ZNF536: variants seen among roughly 807,000 people sequenced by gnomAD.
ZNF536 encodes the protein zinc finger protein 536.
ZNF536 carries 13 observed loss-of-function variants against 84.5 expected under a neutral mutation model. The observed-to-expected ratio is 0.15, with a 90% CI of 0.10 to 0.24. ZNF536 has a LOEUF of 0.24. Among genes scored for constraint, ZNF536 ranks in the 10% least tolerant of loss-of-function variants. The pLI is 1.00. For synonymous variants in ZNF536, 811 were observed against 742.5 expected, an observed-to-expected ratio of 1.09 and a Z score of -1.50; for missense variants, 1,536 against 1,747.5, an observed-to-expected ratio of 0.88 and a Z score of 2.16.
At chr19:30,658,631 G>A (rs1234781892) in intron 1 of ZNF536, among the ~76,000 whole-genome samples, 1 of 152,000 alleles carries the variant, frequency 6.6e-6, no homozygotes, top group Non-Finnish European at 1.5e-5. Flanking sequence ...ACTCAAAAAT[G>A]GCTATTCCTC....
intron 1 of ZNF536, among the ~76,000 whole-genome samples, chr19:30,592,956 A>G (rs1454302208): frequency 6.6e-6 from 1 of 152,244 alleles, no homozygotes; most frequent in Non-Finnish European, 1.5e-5. Flanking sequence ...TTTCACATTC[A>G]TACCATTTAG....
At chr19:30,429,998 C>T (rs1054392899) in intron 1 of ZNF536, among the ~76,000 whole-genome samples, 1 of 151,764 alleles carries the variant, frequency 6.6e-6, no homozygotes, top group Non-Finnish European at 1.5e-5. Flanking sequence ...GCTGTGAAAT[C>T]CACCATGAGA....
chr19:30,326,033 G>A (rs1302051296), intron 2 of ZNF536, among the ~76,000 whole-genome samples: 1 of 152,226 alleles, frequency 6.6e-6, no homozygotes, highest in East Asian at 1.9e-4. Context: ...AGTCATGAGT[G>A]TAAGTTTATT....
At chr19:30,285,751 C>T (rs2045603251) in intron 2 of ZNF536, among the ~76,000 whole-genome samples, 1 of 152,168 alleles carries the variant, frequency 6.6e-6, no homozygotes, top group Non-Finnish European at 1.5e-5. Flanking sequence ...TTGCGGGGCC[C>T]TCCCGTGCAC....
intron 1 of ZNF536, chr19:30,665,719 G>C (rs75786920): frequency 2.0e-5 from 3 of 152,364 alleles, no homozygotes; most frequent in East Asian, 3.9e-4. Context: ...TTCCAGGCTC[G>C]AGGGAACAAG....
chr19:30,312,364 A>T (rs567265976), intron 2 of ZNF536, among the ~76,000 whole-genome samples: 5 of 152,094 alleles, frequency 3.3e-5, no homozygotes, highest in Non-Finnish European at 5.9e-5. Flanking sequence ...AGAGAGTGGA[A>T]TGGTGGTCCT....
rs565537676 is a variant in ZNF536, at chr19:30,467,836, G to T, written c.2170+22104G>T. ...CTGGGTAGCTACTGTGTACCCTGAG[G>T]GGGTCACAGCCCTTTCCACAGCACC... On this transcript the variant is annotated intron_variant, in intron 2 of 4. Transcript: ENST00000355537. Among the ~76,000 whole-genome samples the T allele has an allele frequency of 2.0e-5, 3 of 152,330 alleles. No homozygotes were observed. In the South Asian group the frequency reaches 6.2e-4, roughly 32 times the overall value.
chr19:30,544,824 G>A (rs879632551), intron 3 of ZNF536, among the ~76,000 whole-genome samples: 3 of 152,168 alleles, frequency 2.0e-5, no homozygotes, highest in African/African-American at 4.8e-5. Flanking sequence ...TAGGATTGGC[G>A]TGAGACCCCA....
At chr19:30,613,619 T>C (rs372954038) in intron 1 of ZNF536, among the ~76,000 whole-genome samples, 1 of 152,206 alleles carries the variant, frequency 6.6e-6, no homozygotes, top group East Asian at 1.9e-4. Flanking sequence ...TTTTAAGCAC[T>C]CAGGAAGTGT....
rs1274463537 is a variant in ZNF536, at chr19:30,271,305, T to C, written c.-189-12767T>C. 1.8e-4 allele frequency among the ~76,000 whole-genome samples: 26 copies of C among 148,318 alleles called. No homozygotes were observed. In the East Asian group the frequency reaches 2.8e-3, roughly 16 times the overall value. On this transcript the variant is annotated intron_variant, in intron 1 of 5. Coordinates refer to the ZNF536 transcript ENST00000585628. ...CCCTGTGTTTTTTTCTTTTCTTTTT[T>C]TTTTTTTTTTTTTTGCTAAAGCATG...
chr19:30,294,820 C>T (rs532479681), intron 2 of ZNF536, among the ~76,000 whole-genome samples: 95 of 152,246 alleles, frequency 6.2e-4, no homozygotes, highest in African/African-American at 2.3e-3. Context: ...GGACTGAAGG[C>T]TGAGAGAAGC....
chr19:30,231,673 A>G (rs2023056451), intron 1 of ZNF536, among the ~76,000 whole-genome samples: 1 of 152,208 alleles, frequency 6.6e-6, no homozygotes, highest in Non-Finnish European at 1.5e-5. Context: ...TAGACTCTTC[A>G]GGCTGCCGTG....
intron 1 of ZNF536, among the ~76,000 whole-genome samples, chr19:30,684,866 C>G (rs569181857): frequency 3.2e-4 from 48 of 152,240 alleles, no homozygotes; most frequent in Admixed American, 2.4e-3. Context: ...ACCAAGCCTC[C>G]GAGGGCAGAT....
chr19:30,226,238 G>T (rs1383567791), upstream of ZNF536, among the ~76,000 whole-genome samples: 1 of 152,042 alleles, frequency 6.6e-6, no homozygotes, highest in African/African-American at 2.4e-5. This position sits in a 1 kb window ranked among gnomAD's most constrained non-coding sequence, Gnocchi z 4.6. Context: ...GGAGTAAAAA[G>T]GGGAGGGGGT....
At chr19:30,264,552 C>T (rs1379609735) in intron 1 of ZNF536, among the ~76,000 whole-genome samples, 7 of 152,252 alleles carry the variant, frequency 4.6e-5, no homozygotes, top group Non-Finnish European at 8.8e-5. Flanking sequence ...AATCAACAGA[C>T]ATTTTGGCTG....
rs577475825 is a variant in ZNF536 at position 30,485,916 on chromosome 19, C to G, written c.2170+40184C>G. Reference sequence around the variant, plus strand: ...TTCTAAGCCTGCTTTTATCATATCTCCAACCTGGAGAACCCATAGCAAGGG... The same window carrying G: ...TTCTAAGCCTGCTTTTATCATATCTGCAACCTGGAGAACCCATAGCAAGGG... On this transcript the variant is annotated intron_variant, in intron 2 of 4. Coordinates refer to ENST00000355537, the MANE Select transcript of ZNF536 (RefSeq NM_014717.3). Among the ~76,000 whole-genome samples the G allele has an allele frequency of 5.3e-5, 8 of 152,082 alleles. No individual in the cohort carries two copies. The South Asian group carries it at 1.7e-3, about 32-fold the overall frequency.
intron 4 of ZNF536, chr19:30,556,311 GC>G (rs1260847121): frequency 6.6e-6 from 1 of 152,340 alleles, no homozygotes; most frequent in Non-Finnish European, 1.5e-5. Context: ...ACAACCTGCT[GC>G]AGAGCTTTTC....
intron 2 of ZNF536, among the ~76,000 whole-genome samples, chr19:30,348,755 A>G (rs1292135905): frequency 6.6e-6 from 1 of 152,040 alleles, no homozygotes; most frequent in African/African-American, 2.4e-5. Context: ...CATGCAGACC[A>G]AGGTTTCCTT....
At chr19:30,472,365 T>G (rs764624156) in intron 2 of ZNF536, among the ~76,000 whole-genome samples, 23 of 152,190 alleles carry the variant, frequency 1.5e-4, no homozygotes, top group Non-Finnish European at 3.4e-4. Flanking sequence ...CTTTGTAGGC[T>G]TGTAACATTG....
Sources: gnomAD v4.1 joint callset for allele counts (sites outside exome capture counted in the v4.1 genomes callset) on GRCh38, gnomAD v4.1.1 for gene constraint, Gnocchi (gnomAD v3.1) non-coding constraint, MANE v1.5 for transcripts, NCBI Gene and HGNC (gene_info 2026-07-23, HGNC 2026-07-21) for gene names.